The following CTSC variants were observed in gnomAD, a reference collection of about 807,000 sequenced individuals.
CTSC encodes the protein cathepsin C, also known as dipeptidyl peptidase 1.
In CTSC, 37 loss-of-function variants were observed where a neutral mutation model predicts 40.9. That is an observed-to-expected ratio of 0.91 (90% CI 0.70 to 1.19). The LOEUF is 1.19. Among genes scored for constraint, CTSC ranks in the 50% most tolerant of loss-of-function variants. The pLI, the probability that CTSC is intolerant of heterozygous loss-of-function variation, is 0.00. For missense variants in CTSC, 594 were observed against 567.3 expected (o/e 1.05, Z -0.48); for synonymous variants, 232 against 207.4 (o/e 1.12, Z -1.02).
intron 3 of CTSC, 148 bp downstream of exon 3, chr11:88,312,240 T>A: frequency 1.4e-6 from 1 of 732,138 alleles, no homozygotes; most frequent in Non-Finnish European, 2.3e-6. Context: ...GGTCAATTTA[T>A]TTTTCCAGTA....
At chr11:88,328,872 C>T (rs776244242) in intron 2 of CTSC, among the ~76,000 whole-genome samples, 2 of 152,174 alleles carry the variant, frequency 1.3e-5, no homozygotes, top group Non-Finnish European at 2.9e-5. Context: ...GATCCACCAG[C>T]CCCAGCCTCC....
chr11:88,294,949 C>T (rs1464548424), intron 6 of CTSC, among the ~76,000 whole-genome samples: 1 of 152,206 alleles, frequency 6.6e-6, no homozygotes, highest in African/African-American at 2.4e-5. Flanking sequence ...CAACTTGGCT[C>T]TTTCTCAAGC....
At chr11:88,327,231 G>A (rs1264954616) in intron 2 of CTSC, among the ~76,000 whole-genome samples, 2 of 152,208 alleles carry the variant, frequency 1.3e-5, no homozygotes, top group African/African-American at 4.8e-5. Context: ...CACAACTGAT[G>A]AGCAATTCCT....
At chr11:88,328,477 G>GA (rs1938254002) in intron 2 of CTSC, among the ~76,000 whole-genome samples, 2 of 152,168 alleles carry the variant, frequency 1.3e-5, no homozygotes, top group Non-Finnish European at 2.9e-5. Flanking sequence ...AAGGCTCAGT[G>GA]AAAAAATGTC....
At chr11:88,299,250 A>C (rs941042652) in intron 5 of CTSC, 2 of 152,154 alleles carry the variant, frequency 1.3e-5, no homozygotes, top group African/African-American at 2.4e-5. Flanking sequence ...AGGCACAAAA[A>C]ATCTATTTGG....
chr11:88,326,267 ACTC>A, intron 2 of CTSC: 1 of 1,567,898 alleles, frequency 6.4e-7, no homozygotes, highest in South Asian at 1.2e-5. Flanking sequence ...GGTCACCAGG[ACTC>A]CTTTGCATTT....
chr11:88,331,657 TAAAGC>T (rs1938359760), intron 2 of CTSC, among the ~76,000 whole-genome samples: 1 of 152,148 alleles, frequency 6.6e-6, no homozygotes, highest in Admixed American at 6.5e-5. Flanking sequence ...TACACATGAT[TAAAGC>T]ATGGATAACC....
chr11:88,308,821 T>C (rs1271884554), intron 4 of CTSC, among the ~76,000 whole-genome samples: 1 of 152,182 alleles, frequency 6.6e-6, no homozygotes, highest in Non-Finnish European at 1.5e-5. Flanking sequence ...TATATTGCCA[T>C]GGTTTTTCTT....
At chr11:88,315,101 A>C (rs887175747) in intron 2 of CTSC, among the ~76,000 whole-genome samples, 1 of 152,224 alleles carries the variant, frequency 6.6e-6, no homozygotes, top group East Asian at 1.9e-4. Context: ...GATGCAACCT[A>C]AACTCCATAA....
rs201519830 is a variant in CTSC, at chr11:88,294,204, G to A, written c.1194C>T (p.Asn398=). 6.2e-6 allele frequency: 10 copies of A among 1,613,974 alleles called. No individual in the cohort carries two copies. The Admixed American group carries it at 1.7e-4, about 27-fold the overall frequency. Residue 398 remains asparagine, a synonymous_variant, in exon 7 of 7, where the codon AAC becomes AAT. Coordinates refer to ENST00000227266, the MANE Select transcript of CTSC (RefSeq NM_001814.6). ...YHHTGLRDPF[N]PFELTNHAVL... ...CAGCATGATTAGTCAGCTCAAAGGGGTTGAAAGGGTCTCTTAGACCAGTGT... is the reference window on the plus strand; with the variant it reads ...CAGCATGATTAGTCAGCTCAAAGGGATTGAAAGGGTCTCTTAGACCAGTGT...
chr11:88,309,652 T>G lies in CTSC; in HGVS notation c.486-334A>C, dbSNP rs563685634. 5.9e-5 allele frequency among the ~76,000 whole-genome samples: 9 copies of G among 152,300 alleles called. No individual in the cohort carries two copies. The South Asian group carries it at 1.9e-3, about 32-fold the overall frequency. On this transcript the variant is annotated intron_variant, in intron 3 of 6. Transcript: ENST00000227266. ...CATTTAAAATGTCTAGAAAGTTATT[T>G]AATGATATGGAAGAGTGCTCACAAC... is the stretch of plus-strand genomic sequence containing the variant.
rs1218816925 is a variant in CTSC at position 88,294,418 on chromosome 11, G to C, written c.980C>G (p.Thr327Ser). The change falls in exon 7 of 7, where the codon ACT becomes AGT. Residue 327 changes from threonine (T) to serine (S), a missense_variant. By Grantham distance (58) the Thr-to-Ser change is moderately conservative. Coordinates refer to ENST00000227266, the MANE Select transcript of CTSC (RefSeq NM_001814.6). ...TTCCTTCATTTTGCATGGAGAATCA[G>C]TGCCTGTGTAGGGGAAGCAAGCTTC... ...VEEACFPYTG[T>S]DSPCKMKEDC... 1 of 1,614,180 alleles carries C rather than the reference G, an allele frequency of 6.2e-7. No homozygotes were observed. The highest frequency in any genetic ancestry group is 8.5e-7 in the Non-Finnish European group (1 of 1,180,020).
rs1484758757 is a variant in CTSC, at chr11:88,294,463, T to C, written c.935A>G (p.Gln312Arg). Residue 312 changes from glutamine to arginine, a missense_variant, in exon 7 of 7, where the codon CAA (glutamine) becomes CGA (arginine). Coordinates refer to ENST00000227266, the MANE Select transcript of CTSC (RefSeq NM_001814.6). ...AGCTTCTTCCACCAGCCCAAAATCT[T>C]GGGCGTACTTTCCTGCAATAAGGTA... The part of the protein sequence containing the change: ...FPYLIAGKYA[Q>R]DFGLVEEACF... The C allele has an allele frequency of 6.2e-7, 1 of 1,614,098 alleles. No homozygotes were observed. The highest frequency in any genetic ancestry group is 1.1e-5 in the South Asian group (1 of 91,082).
chr11:88,300,378 A>G, intron 5 of CTSC, 152 bp downstream of exon 5: 1 of 625,854 alleles, frequency 1.6e-6, no homozygotes, highest in Non-Finnish European at 2.9e-6. Context: ...ATATAAAAGG[A>G]AAGAATAATT....
At chr11:88,324,275 A>C (rs1938116369) in intron 2 of CTSC, 1 of 652,622 alleles carries the variant, frequency 1.5e-6, no homozygotes, top group East Asian at 1.4e-4. Context: ...AAAGACTTAA[A>C]TGTAAAACCC....
At chr11:88,324,321 T>G (rs780885282) in intron 2 of CTSC, 2 of 932,842 alleles carry the variant, frequency 2.1e-6, no homozygotes, top group Admixed American at 6.2e-5. Context: ...AATCTAGGAA[T>G]GCCATTGAAT....
Position 88,294,167 on chromosome 11 carries a change from C to A in CTSC, c.1231G>T (p.Gly411Cys). Residue 411 changes from glycine to cysteine, a missense_variant, in exon 7 of 7, where the codon GGC becomes TGC. Transcript: ENST00000227266. ...CCAGAGGCTGAGTCAGTGCCATAGC[C>A]CACAAGCAGAACAGCATGATTAGTC... Reference protein sequence around the residue: ...ELTNHAVLLVGYGTDSASGMD... With the variant: ...ELTNHAVLLVCYGTDSASGMD... 3 of 1,613,808 alleles carry A rather than the reference C, an allele frequency of 1.9e-6. No homozygotes were observed. Among genetic ancestry groups the A allele is most frequent in the Non-Finnish European group, 1.7e-6 (2 of 1,179,998 alleles).
chr11:88,302,625 CAAAAAAAAAAAA>C (rs139973958), intron 4 of CTSC, among the ~76,000 whole-genome samples: 4 of 80,052 alleles, frequency 5.0e-5, no homozygotes, highest in Non-Finnish European at 9.2e-5. Context: ...GACTCCGCCT[CAAAAAAAAAAAA>C]AAAAAAAAAA....
chr11:88,309,057 T>G, intron 4 of CTSC, 106 bp downstream of exon 4: 1 of 944,744 alleles, frequency 1.1e-6, no homozygotes, highest in Non-Finnish European at 1.7e-6. Context: ...AAGTTACAAC[T>G]GGGATGACCA....
Sources: allele counts gnomAD v4.1 joint callset (sites outside exome capture counted in the v4.1 genomes callset), GRCh38; gene constraint gnomAD v4.1.1; transcripts MANE v1.5; gene names NCBI Gene and HGNC (gene_info 2026-07-23, HGNC 2026-07-21).